The following SORCS1 variants were observed in gnomAD, a reference collection of about 807,000 sequenced individuals.
SORCS1 encodes the protein sortilin related VPS10 domain containing receptor 1.
SORCS1 carries 60 observed loss-of-function variants against 146.1 expected under a neutral mutation model. The ratio of observed to expected loss-of-function variants is 0.41; its 90% CI spans 0.33 to 0.51. The LOEUF (loss-of-function observed/expected upper bound fraction) is 0.51. SORCS1 is among the 20% of genes least tolerant of loss of function. The pLI is 0.21. For synonymous variants in SORCS1, 637 were observed against 584.0 expected, an observed-to-expected ratio of 1.09 and a Z score of -1.31; for missense variants, 1,352 against 1,487.6, an observed-to-expected ratio of 0.91 and a Z score of 1.50.
intron 1 of SORCS1, among the ~76,000 whole-genome samples, chr10:107,054,633 C>T (rs563135165): frequency 1.3e-5 from 2 of 152,284 alleles, no homozygotes; most frequent in African/African-American, 4.8e-5. Flanking sequence ...TCTAACTTGA[C>T]AGTCTGGGGC....
At chr10:106,771,073 C>T (rs1387373959) in intron 4 of SORCS1, among the ~76,000 whole-genome samples, 1 of 152,208 alleles carries the variant, frequency 6.6e-6, no homozygotes, top group African/African-American at 2.4e-5. Context: ...AGAGTCCTGA[C>T]AGCGTTCATG....
At chr10:106,800,831 G>A (rs543171100) in intron 3 of SORCS1, among the ~76,000 whole-genome samples, 18 of 152,246 alleles carry the variant, frequency 1.2e-4, no homozygotes, top group East Asian at 9.7e-4. Flanking sequence ...ATGAGCCACC[G>A]TACCCGGCCA....
chr10:106,892,045 A>T (rs79252662), intron 2 of SORCS1, among the ~76,000 whole-genome samples: 1 of 152,262 alleles, frequency 6.6e-6, no homozygotes, highest in East Asian at 1.9e-4. Flanking sequence ...TTTGCACGTG[A>T]CCCTAAATAT....
intron 1 of SORCS1, among the ~76,000 whole-genome samples, chr10:107,078,984 G>A (rs887494409): frequency 6.6e-6 from 1 of 152,182 alleles, no homozygotes; most frequent in Non-Finnish European, 1.5e-5. Context: ...CCAGCACTTT[G>A]GGAGGCCAAT....
At chr10:106,878,643 TATA>T (rs1564765117) in intron 2 of SORCS1, among the ~76,000 whole-genome samples, 3 of 139,480 alleles carry the variant, frequency 2.2e-5, no homozygotes, top group East Asian at 4.2e-4. Flanking sequence ...TATATATATA[TATA>T]TATTTTATAG....
At chr10:106,964,866 A>T (rs181710166) in intron 1 of SORCS1, among the ~76,000 whole-genome samples, 1 of 151,254 alleles carries the variant, frequency 6.6e-6, no homozygotes, top group East Asian at 1.9e-4. Context: ...CTCATGCCTC[A>T]GCCCCACAAA....
Position 106,688,334 on chromosome 10 carries a change from G to A in SORCS1, c.1418C>T (p.Ala473Val). ...GNIMIDLYEV[A>V]GIKGMFLANK... The stretch of plus-strand genomic sequence containing the variant: ...AGCCAAGAACATTCCCTTTATCCCT[G>A]CTACCTGGGAAAAATTGACATGGCT... The change falls in exon 10 of 26, where the codon GCA becomes GTA. Residue 473 changes from alanine to valine, a missense_variant. Physicochemically the swap from Ala to Val is moderately conservative, Grantham distance 64 (BLOSUM62 0). This residue lies in a region of SORCS1 where 648 missense variants were observed against 793.8 expected (regional missense o/e 0.82). Transcript: ENST00000263054. 1.2e-6 allele frequency: 2 copies of A among 1,609,880 alleles called. No individual in the cohort carries two copies. The highest frequency in any genetic ancestry group is 1.7e-6 in the Non-Finnish European group (2 of 1,178,728).
chr10:107,086,203 T>C (rs1272312041), intron 1 of SORCS1, among the ~76,000 whole-genome samples: 4 of 152,154 alleles, frequency 2.6e-5, no homozygotes, highest in African/African-American at 9.7e-5. Flanking sequence ...TCCTAATCCA[T>C]TGTATATTAT....
intron 1 of SORCS1, among the ~76,000 whole-genome samples, chr10:107,021,215 A>G (rs551729465): frequency 6.6e-6 from 1 of 152,160 alleles, no homozygotes; most frequent in African/African-American, 2.4e-5. Flanking sequence ...TCGTGAATTT[A>G]AGAATATGCA....
At chr10:106,769,122 C>T (rs12263279) in intron 4 of SORCS1, among the ~76,000 whole-genome samples, 3,604 of 152,196 alleles carry the variant, frequency 0.024, 91 homozygotes, top group East Asian at 0.11. Flanking sequence ...CAATATTTCC[C>T]AGGGAATGTC....
At chr10:106,850,271 T>C (rs1055547774) in intron 2 of SORCS1, among the ~76,000 whole-genome samples, 1 of 152,054 alleles carries the variant, frequency 6.6e-6, no homozygotes, top group African/African-American at 2.4e-5. Flanking sequence ...GAGCCAGGTG[T>C]GGGATATAGT....
At chr10:106,706,017 C>T (rs1312246343) in intron 8 of SORCS1, among the ~76,000 whole-genome samples, 3 of 152,164 alleles carry the variant, frequency 2.0e-5, no homozygotes, top group Non-Finnish European at 4.4e-5. Flanking sequence ...AACTGATAAT[C>T]AAATGGGACA....
At chr10:106,906,557 C>T (rs1951916784) in intron 2 of SORCS1, among the ~76,000 whole-genome samples, 1 of 152,152 alleles carries the variant, frequency 6.6e-6, no homozygotes, top group Admixed American at 6.5e-5. Context: ...ACCTAATAAA[C>T]CCATCAGATC....
chr10:106,793,530 C>T lies in SORCS1; in HGVS notation c.727-16838G>A, dbSNP rs139442719. 9.2e-3 allele frequency among the ~76,000 whole-genome samples: 1,402 copies of T among 152,188 alleles called. 22 individuals are homozygous for T. Among genetic ancestry groups the T allele is most frequent in the African/African-American group, 0.032 (1,334 of 41,530 alleles). On this transcript the variant is annotated intron_variant, in intron 3 of 25. Coordinates refer to ENST00000263054, the MANE Select transcript of SORCS1 (RefSeq NM_052918.5). Reference sequence around the variant, plus strand: ...GAGTATAGCTCATTCAGAATGATCACTTTGGAGGTAATACAGAGATTGTGT... The same window carrying T: ...GAGTATAGCTCATTCAGAATGATCATTTTGGAGGTAATACAGAGATTGTGT...
At chr10:107,143,331 G>C (rs1448017967) in intron 1 of SORCS1, among the ~76,000 whole-genome samples, 1 of 151,880 alleles carries the variant, frequency 6.6e-6, no homozygotes, top group African/African-American at 2.4e-5. Flanking sequence ...ATTTTGTTTT[G>C]TTGTTTTTGT....
intron 5 of SORCS1, among the ~76,000 whole-genome samples, chr10:106,746,284 A>G (rs1033969430): frequency 2.0e-5 from 3 of 152,248 alleles, no homozygotes; most frequent in Non-Finnish European, 4.4e-5. Flanking sequence ...TGTTAACATT[A>G]GGTAAAGCTG....
intron 1 of SORCS1, among the ~76,000 whole-genome samples, chr10:107,144,273 C>A (rs1968107338): frequency 1.3e-5 from 2 of 152,212 alleles, no homozygotes; most frequent in Non-Finnish European, 2.9e-5. Flanking sequence ...ATTTAATTCT[C>A]CCCTTAGACT....
chr10:106,830,582 T>A (rs1021221664), intron 2 of SORCS1, among the ~76,000 whole-genome samples: 3 of 150,034 alleles, frequency 2.0e-5, no homozygotes, highest in Admixed American at 1.3e-4. Context: ...TTTTTCCTTT[T>A]TTTTTTTTTT....
chr10:106,616,172 G>GC (rs1168899397), intron 21 of SORCS1, among the ~76,000 whole-genome samples: 2 of 152,128 alleles, frequency 1.3e-5, no homozygotes, highest in African/African-American at 4.8e-5. Context: ...AAAATGATGG[G>GC]CTGGACCAGA....
Sources: allele counts gnomAD v4.1 joint callset (sites outside exome capture counted in the v4.1 genomes callset), GRCh38; gene constraint gnomAD v4.1.1; regional missense constraint gnomAD v4.1.1; transcripts MANE v1.5; gene names NCBI Gene and HGNC (gene_info 2026-07-23, HGNC 2026-07-21).